MTMR10: variants seen among roughly 807,000 people sequenced by gnomAD.
MTMR10 encodes myotubularin related protein 10.
In MTMR10, 56 loss-of-function variants were observed where a neutral mutation model predicts 88.1. The observed-to-expected ratio is 0.64, with a 90% CI of 0.51 to 0.79. The LOEUF is 0.79. Ranked by LOEUF, MTMR10 falls within the 30% of genes least tolerant of loss-of-function variation. The probability of loss-of-function intolerance (pLI) is 0.00; values close to 1 mark genes in which losing one functional copy is unlikely to be tolerated. For missense variants in MTMR10, 883 were observed against 924.7 expected (o/e 0.95, Z 0.58); for synonymous variants, 380 against 340.9 (o/e 1.11, Z -1.26).
rs746262595 is a variant in MTMR10, at chr15:30,941,726, C to T, written c.2078G>A (p.Ser693Asn). 4.3e-6 allele frequency: 7 copies of T among 1,613,976 alleles called. No homozygotes were observed. In the Admixed American group the frequency reaches 1.0e-4, roughly 23 times the overall value. ...ACTGCGCTGTTGCCGCAGCATCCTGCTCAGTACGTCGACTTCATCAGCCAG... is the reference window on the plus strand; with the variant it reads ...ACTGCGCTGTTGCCGCAGCATCCTGTTCAGTACGTCGACTTCATCAGCCAG... ...SLLADEVDVL[S>N]RMLRQQRSGP... The change falls in exon 16 of 16, where the codon AGC (serine) becomes AAC (asparagine). Residue 693 changes from serine to asparagine, a missense_variant. Ser to Asn is a conservative substitution (Grantham distance 46, BLOSUM62 1). Transcript: ENST00000435680.
At chr15:30,929,089 G>C in the MTMR10 span, 1 of 876,754 alleles carries the variant, frequency 1.1e-6, no homozygotes, top group Non-Finnish European at 1.7e-6. Flanking sequence ...TATCTTTTGA[G>C]AGAAAGAATG....
the MTMR10 span, chr15:30,925,780 C>G: frequency 1.2e-6 from 2 of 1,613,886 alleles, no homozygotes; most frequent in East Asian, 2.2e-5. Flanking sequence ...TATTCTGCTG[C>G]TGTTTCAGGT....
chr15:30,922,117 T>C, the MTMR10 span: 1 of 1,324,730 alleles, frequency 7.5e-7, no homozygotes, highest in African/African-American at 1.5e-5. Context: ...TTGGCCTCAT[T>C]GTAGAATGGA....
At chr15:30,956,458 A>C (rs531028836) in intron 9 of MTMR10, 60 of 152,354 alleles carry the variant, frequency 3.9e-4, no homozygotes, top group African/African-American at 1.4e-3. Context: ...TTTAGGTCAC[A>C]TGGTGAAAAA....
At chr15:30,984,771 G>C (rs1012077521) in intron 2 of MTMR10, among the ~76,000 whole-genome samples, 3 of 152,134 alleles carry the variant, frequency 2.0e-5, no homozygotes, top group Non-Finnish European at 2.9e-5. Context: ...CTGTAGATGC[G>C]AACAGGGAAA....
At chr15:30,929,576 TTATTATATTATA>T in the MTMR10 span, among the ~76,000 whole-genome samples, 12 of 128,472 alleles carry the variant, frequency 9.3e-5, no homozygotes, top group South Asian at 2.3e-4. Context: ...TTTATTATAT[TTATTATATTATA>T]TATTATATAT....
chr15:30,958,064 G>A (rs966783457), intron 9 of MTMR10, among the ~76,000 whole-genome samples: 5 of 152,222 alleles, frequency 3.3e-5, no homozygotes, highest in African/African-American at 1.2e-4. Context: ...AGGGCATGGA[G>A]GCCATATCCT....
At chr15:30,990,317 T>A (rs2031231382) in intron 2 of MTMR10, among the ~76,000 whole-genome samples, 1 of 152,144 alleles carries the variant, frequency 6.6e-6, no homozygotes, top group Non-Finnish European at 1.5e-5. Context: ...CAATTAAGTG[T>A]CTCTGCTGGG....
intron 6 of MTMR10, among the ~76,000 whole-genome samples, chr15:30,965,023 C>G (rs1345785761): frequency 1.3e-5 from 2 of 152,190 alleles, no homozygotes; most frequent in African/African-American, 4.8e-5. Flanking sequence ...GAGTATTAAT[C>G]AGTTCAAAAG....
Position 30,954,862 on chromosome 15 carries a change from G to C in MTMR10, c.967C>G (p.Gln323Glu), listed in dbSNP as rs1254795899. The change falls in exon 10 of 16, where the codon CAG (glutamine) becomes GAG (glutamate). Residue 323 changes from glutamine to glutamate, a missense_variant. Physicochemically the swap from Gln to Glu is conservative, Grantham distance 29. Around this residue, in one of 3 missense-constraint regions of MTMR10, gnomAD observed 414 missense variants for 423.2 expected, o/e 0.98. Transcript: ENST00000435680. ...TCTGATTTGTAAACATCACTTCTCTGTGGGTGACTTTTAGTTATTGCATTA... is the reference window on the plus strand; with the variant it reads ...TCTGATTTGTAAACATCACTTCTCTCTGGGTGACTTTTAGTTATTGCATTA... The part of the protein sequence containing the change: ...ICNAITKSHP[Q>E]RSDVYKSDLD... 1.3e-6 allele frequency: 2 copies of C among 1,564,376 alleles called. No homozygotes were observed. The highest frequency in any genetic ancestry group is 2.4e-5 in the South Asian group (2 of 84,722).
the MTMR10 span, chr15:30,930,730 G>T: frequency 6.3e-6 from 10 of 1,585,802 alleles, no homozygotes; most frequent in Non-Finnish European, 7.7e-6. Context: ...TGAATCAGAG[G>T]CCACAAGTAG....
rs2063102538 is a variant in MTMR10 at position 30,942,955 on chromosome 15, A to AG, written c.1665dup (p.Phe556LeufsTer19). ...CAAGGTGTGCTCTTTCCAATGTAGA[A>AG]GGGGTTATGGAAAAGGGTGCGATCC... On this transcript the variant is annotated frameshift_variant, in exon 15 of 16. Transcript: ENST00000435680. LOFTEE classifies it high-confidence loss of function. The AG allele has an allele frequency of 6.4e-7, 1 of 1,562,622 alleles. No homozygotes were observed. The highest frequency in any genetic ancestry group is 8.7e-7 in the Non-Finnish European group (1 of 1,151,494).
At chr15:30,936,407 A>T (rs1422761966), downstream of MTMR10, among the ~76,000 whole-genome samples, 2 of 149,840 alleles carry the variant, frequency 1.3e-5, no homozygotes, top group African/African-American at 5.0e-5. Context: ...CATGGCAAGA[A>T]GGTTAGATTT....
intron 10 of MTMR10, 42 bp from the exon 11 acceptor site, chr15:30,953,673 T>C: frequency 7.5e-7 from 1 of 1,337,848 alleles, no homozygotes; most frequent in South Asian, 1.3e-5. Context: ...CTTTTTATTT[T>C]ATACGATCCC....
intron 14 of MTMR10, chr15:30,946,752 G>A (rs2063176841): frequency 1.4e-6 from 1 of 702,780 alleles, no homozygotes; most frequent in East Asian, 2.7e-5. Context: ...AAATAATCTT[G>A]TTTTGTACAA....
Position 30,954,827 on chromosome 15 carries a change from C to T in MTMR10, c.1002G>A (p.Lys334=). The part of the protein sequence containing the change: ...RSDVYKSDLD[K]TLPNIQEVQA... ...GTACTTCTTGAATATTAGGCAAGGT[C>T]TTATCCAAATCTGATTTGTAAACAT... Residue 334 remains lysine, a synonymous_variant, in exon 10 of 16, where the codon AAG becomes AAA. Coordinates refer to ENST00000435680, the MANE Select transcript of MTMR10 (RefSeq NM_017762.3). 1.3e-6 allele frequency: 2 copies of T among 1,594,458 alleles called. No individual in the cohort carries two copies. The highest frequency in any genetic ancestry group is 1.7e-6 in the Non-Finnish European group (2 of 1,168,898).
At chr15:30,928,726 C>T in the MTMR10 span, 1 of 1,605,204 alleles carries the variant, frequency 6.2e-7, no homozygotes, top group African/African-American at 1.3e-5. Flanking sequence ...CACCTGGGCA[C>T]CGTGTGTCCA....
chr15:30,961,216 G>A, intron 6 of MTMR10, 143 bp from the exon 7 acceptor site: 2 of 1,167,250 alleles, frequency 1.7e-6, no homozygotes, highest in African/African-American at 1.6e-5. Flanking sequence ...GAACTGTCTT[G>A]CCCTTTCCAT....
Position 30,942,058 on chromosome 15 carries a change from G to A in MTMR10, c.1746C>T (p.Ser582=). ...SFKRTKKSYS[S]TLRGMPSALK... is the part of the protein sequence containing the mutation. ...AGGCAGACGGCATTCCTCTTAGTGT[G>A]GAGCTGTAGCTTTTCTATACAGAAG... Residue 582 remains serine, a synonymous_variant, in exon 16 of 16, where the codon TCC becomes TCT. Transcript: ENST00000435680. The A allele has an allele frequency of 6.2e-7, 1 of 1,613,432 alleles. No individual in the cohort carries two copies. Among genetic ancestry groups the A allele is most frequent in the East Asian group, 2.2e-5 (1 of 44,880 alleles).
Sources: gnomAD v4.1 joint callset for allele counts (sites outside exome capture counted in the v4.1 genomes callset) on GRCh38, gnomAD v4.1.1 for gene constraint, gnomAD v4.1.1 regional missense constraint, MANE v1.5 for transcripts, NCBI Gene and HGNC (gene_info 2026-07-23, HGNC 2026-07-21) for gene names.